PLCB1: variants seen among roughly 807,000 people sequenced by gnomAD.
PLCB1 encodes the protein 1-phosphatidylinositol 4,5-bisphosphate phosphodiesterase beta-1.
PLCB1 carries 46 observed loss-of-function variants against 161.8 expected under a neutral mutation model. That is an observed-to-expected ratio of 0.28 (90% CI 0.22 to 0.36). PLCB1 has a LOEUF of 0.36. Ranked by LOEUF, PLCB1 falls within the 10% of genes least tolerant of loss-of-function variation. The pLI is 1.00. For synonymous variants in PLCB1, 517 were observed against 503.7 expected (o/e 1.03, Z -0.35); for missense variants, 1,016 against 1,472.5 (o/e 0.69, Z 5.07).
At position 8,610,408 on chromosome 20, in the gene PLCB1, T is replaced by C. The variant is rs139999447; in HGVS notation, c.247-17886T>C. ...AGTTGATAGACATTTGGATTGTTTT[T>C]ATTTTTTGGCTATTATGAAAAATGC... On this transcript the variant is annotated intron_variant, in intron 3 of 31. Coordinates refer to ENST00000338037, the MANE Select transcript of PLCB1 (RefSeq NM_015192.4). Among the ~76,000 whole-genome samples the C allele has an allele frequency of 2.5e-3, 382 of 152,332 alleles. 5 individuals carry two copies. The highest frequency in any genetic ancestry group is 8.8e-3 in the African/African-American group (364 of 41,586).
chr20:8,848,121 G>C (rs1342038544), intron 31 of PLCB1, among the ~76,000 whole-genome samples: 1 of 152,080 alleles, frequency 6.6e-6, no homozygotes, highest in Admixed American at 6.6e-5. Flanking sequence ...ATCACCTCTT[G>C]TTTGCCCCAC....
chr20:8,257,397 G>T (rs537554302), intron 2 of PLCB1, among the ~76,000 whole-genome samples: 1 of 152,058 alleles, frequency 6.6e-6, no homozygotes, highest in South Asian at 2.1e-4. Context: ...AATTTTATAA[G>T]AAAAAAATCA....
At chr20:8,623,052 A>C (rs1389839200) in intron 3 of PLCB1, among the ~76,000 whole-genome samples, 2 of 152,088 alleles carry the variant, frequency 1.3e-5, no homozygotes, top group Non-Finnish European at 2.9e-5. Flanking sequence ...AGCCTGCCTG[A>C]ATGCCCTCCA....
At chr20:8,147,872 G>GT (rs559136150) in intron 1 of PLCB1, among the ~76,000 whole-genome samples, 51,751 of 130,244 alleles carry the variant, frequency 0.4, 10,555 homozygotes, top group Middle Eastern at 0.42. Flanking sequence ...ATTTTGAAAA[G>GT]TTTTTTTTTT....
At chr20:8,488,042 A>G (rs1184674580) in intron 3 of PLCB1, among the ~76,000 whole-genome samples, 1 of 152,214 alleles carries the variant, frequency 6.6e-6, no homozygotes, top group Non-Finnish European at 1.5e-5. Flanking sequence ...GATTCAATGA[A>G]TTCCTCTATT....
At chr20:8,235,102 A>C (rs1428067164) in intron 2 of PLCB1, among the ~76,000 whole-genome samples, 1 of 152,116 alleles carries the variant, frequency 6.6e-6, no homozygotes, top group East Asian at 1.9e-4. Flanking sequence ...TGTTTATTGG[A>C]CATTTCTGAA....
intron 3 of PLCB1, among the ~76,000 whole-genome samples, chr20:8,381,267 C>T (rs2122386942): frequency 6.6e-6 from 1 of 152,300 alleles, no homozygotes; most frequent in South Asian, 2.1e-4. Flanking sequence ...TATGTTGAAC[C>T]AGCCTTGCAT....
At chr20:8,838,665 T>C (rs1302066037) in intron 31 of PLCB1, among the ~76,000 whole-genome samples, 1 of 152,158 alleles carries the variant, frequency 6.6e-6, no homozygotes, top group Non-Finnish European at 1.5e-5. Flanking sequence ...AGTACCACAT[T>C]CCTGAAGGAT....
intron 2 of PLCB1, among the ~76,000 whole-genome samples, chr20:8,179,857 T>C (rs997068622): frequency 1.6e-4 from 13 of 79,542 alleles, no homozygotes; most frequent in African/African-American, 5.9e-4. Flanking sequence ...TTTTTTTTTT[T>C]TTTTTTTTTT....
chr20:8,863,486 A>C (rs138021719), intron 31 of PLCB1, among the ~76,000 whole-genome samples: 225 of 152,302 alleles, frequency 1.5e-3, no homozygotes, highest in African/African-American at 5.0e-3. Flanking sequence ...AGACAATAAA[A>C]CACAGATGAC....
intron 2 of PLCB1, among the ~76,000 whole-genome samples, chr20:8,176,850 C>A (rs1247051299): frequency 1.3e-5 from 2 of 152,204 alleles, no homozygotes; most frequent in African/African-American, 4.8e-5. Context: ...TTAAAAGGAA[C>A]CTCCAGAGTA....
chr20:8,557,003 T>TAAAC (rs1424617424), intron 3 of PLCB1, among the ~76,000 whole-genome samples: 1 of 132,406 alleles, frequency 7.6e-6, no homozygotes, highest in African/African-American at 3.3e-5. Context: ...AATAAATAAA[T>TAAAC]AAATAAATAA....
intron 2 of PLCB1, among the ~76,000 whole-genome samples, chr20:8,317,910 T>G (rs1007148903): frequency 6.6e-5 from 10 of 152,136 alleles, no homozygotes; most frequent in African/African-American, 2.4e-4. Flanking sequence ...TGAAACTCTC[T>G]TTTTTTAAAA....
intron 2 of PLCB1, among the ~76,000 whole-genome samples, chr20:8,244,211 C>T (rs112811184): frequency 0.023 from 3,552 of 152,002 alleles, 149 homozygotes; most frequent in African/African-American, 0.08. Context: ...TAATGTTTGT[C>T]TGTGCCCTAC....
intron 4 of PLCB1, among the ~76,000 whole-genome samples, chr20:8,638,070 A>G (rs1600215422): frequency 6.6e-6 from 1 of 152,156 alleles, no homozygotes; most frequent in African/African-American, 2.4e-5. Context: ...TAATTTTTGT[A>G]TTTTTAGTAG....
chr20:8,204,607 T>A (rs1432764677), intron 2 of PLCB1, among the ~76,000 whole-genome samples: 1 of 152,000 alleles, frequency 6.6e-6, no homozygotes, highest in African/African-American at 2.4e-5. Context: ...AGATGCTGGC[T>A]TCCCCTTTTG....
chr20:8,145,102 G>A (rs1369903460), intron 1 of PLCB1, among the ~76,000 whole-genome samples: 3 of 152,080 alleles, frequency 2.0e-5, no homozygotes, highest in Non-Finnish European at 2.9e-5. Flanking sequence ...ATTACACAAC[G>A]GAAATTTATT....
At chr20:8,668,175 TTAAG>T (rs1989860651) in intron 9 of PLCB1, among the ~76,000 whole-genome samples, 1 of 150,154 alleles carries the variant, frequency 6.7e-6, no homozygotes, top group South Asian at 2.1e-4. Flanking sequence ...GGAAACCAGA[TTAAG>T]TGAGGGATGG....
intron 2 of PLCB1, among the ~76,000 whole-genome samples, chr20:8,162,399 TATTAA>T (rs1305233992): frequency 1.3e-5 from 2 of 152,242 alleles, no homozygotes; most frequent in Non-Finnish European, 2.9e-5. Context: ...GATGTTATCT[TATTAA>T]ATTGTAGCAT....
Sources: gnomAD v4.1 joint callset for allele counts (sites outside exome capture counted in the v4.1 genomes callset) on GRCh38, gnomAD v4.1.1 for gene constraint, MANE v1.5 for transcripts, NCBI Gene and HGNC (gene_info 2026-07-23, HGNC 2026-07-21) for gene names.